PHKB: variants seen among roughly 807,000 people sequenced by gnomAD.
PHKB encodes the protein phosphorylase kinase regulatory subunit beta.
Under a neutral mutation model 152.1 loss-of-function variants are expected in PHKB, and 122 were observed. That is an observed-to-expected ratio of 0.80 (90% CI 0.69 to 0.93). The LOEUF (loss-of-function observed/expected upper bound fraction) is 0.93, where lower values mean the gene tolerates loss of function less well. PHKB is among the 40% of genes least tolerant of loss of function. PHKB has a pLI of 0.00. For missense variants in PHKB, 1,304 were observed against 1,328.4 expected (o/e 0.98, Z 0.29); for synonymous variants, 436 against 464.9 (o/e 0.94, Z 0.80).
At chr16:47,495,223 A>C (rs980122447) in intron 1 of PHKB, among the ~76,000 whole-genome samples, 11 of 150,848 alleles carry the variant, frequency 7.3e-5, no homozygotes, top group South Asian at 2.1e-4. Flanking sequence ...ATTAGATGAC[A>C]GAATCACTAT....
intron 13 of PHKB, among the ~76,000 whole-genome samples, chr16:47,600,708 A>G (rs541285020): frequency 5.1e-4 from 78 of 152,380 alleles, no homozygotes; most frequent in African/African-American, 1.9e-3. Context: ...GGACAATTGT[A>G]ACACAATGGT....
chr16:47,471,821 A>T (rs1252713938), intron 1 of PHKB, among the ~76,000 whole-genome samples: 2 of 152,178 alleles, frequency 1.3e-5, no homozygotes, highest in African/African-American at 4.8e-5. Context: ...TACAAATATA[A>T]AATGTATATG....
In PHKB at chr16:47,649,213, G is replaced by A. The variant is rs746001808; in HGVS notation, c.1797+9G>A. 27 of 1,374,530 alleles carry A rather than the reference G, an allele frequency of 2.0e-5. No homozygotes were observed. Among genetic ancestry groups the A allele is most frequent in the Non-Finnish European group, 2.5e-5 (24 of 961,712 alleles). The allele number at this position is 1,374,530 out of a possible 1,614,324, so 85.1% of individuals were successfully genotyped here. On this transcript the variant is annotated intron_variant, in intron 18 of 30. Coordinates refer to ENST00000323584, the MANE Select transcript of PHKB (RefSeq NM_000293.3). ...TGATAGATGACATAAAGGTAGCTTC[G>A]GAACACCTTTCTTAAAAATGGAATG... is the stretch of plus-strand genomic sequence containing the variant.
At chr16:47,676,827 C>CATT (rs1290362947) in intron 26 of PHKB, among the ~76,000 whole-genome samples, 2 of 152,186 alleles carry the variant, frequency 1.3e-5, no homozygotes, top group African/African-American at 4.8e-5. Flanking sequence ...CTGACAGGCC[C>CATT]ATTACTGTAA....
At chr16:47,566,048 CCTGTGGTACCCA>C (rs1971559593) in intron 7 of PHKB, 1 of 672,618 alleles carries the variant, frequency 1.5e-6, no homozygotes, top group Non-Finnish European at 2.7e-6. Context: ...AGTCATCATC[CCTGTGGTACCCA>C]CTGCCAAATG....
At chr16:47,560,804 A>T (rs1442664338) in intron 7 of PHKB, among the ~76,000 whole-genome samples, 1 of 152,204 alleles carries the variant, frequency 6.6e-6, no homozygotes, top group African/African-American at 2.4e-5. Context: ...AGTTAAAAGT[A>T]TAGAATTCTT....
intron 6 of PHKB, among the ~76,000 whole-genome samples, chr16:47,543,397 A>T (rs990000885): frequency 6.6e-6 from 1 of 152,118 alleles, no homozygotes; most frequent in Admixed American, 6.5e-5. Flanking sequence ...GCTGGATTCA[A>T]TTTGGCAGTA....
intron 26 of PHKB, among the ~76,000 whole-genome samples, chr16:47,674,083 A>G (rs1973683603): frequency 6.6e-6 from 1 of 151,984 alleles, no homozygotes; most frequent in African/African-American, 2.4e-5. Flanking sequence ...ATGATCTCTC[A>G]TACATGATTT....
chr16:47,695,094 C>T (rs1243865437), intron 28 of PHKB, among the ~76,000 whole-genome samples: 1 of 152,158 alleles, frequency 6.6e-6, no homozygotes. Flanking sequence ...CTCAAGGTCA[C>T]ACATCTAGTA....
chr16:47,659,761 GA>G (rs1305252212), intron 20 of PHKB, among the ~76,000 whole-genome samples: 1 of 152,202 alleles, frequency 6.6e-6, no homozygotes, highest in Non-Finnish European at 1.5e-5. Flanking sequence ...GGATGGCCCA[GA>G]AATACATTAC....
At chr16:47,606,783 G>C (rs2151707238) in intron 13 of PHKB, among the ~76,000 whole-genome samples, 1 of 152,274 alleles carries the variant, frequency 6.6e-6, no homozygotes, top group East Asian at 1.9e-4. Flanking sequence ...GCTGTAGTGA[G>C]TGAGCCTCTG....
At chr16:47,548,411 A>G (rs976691721) in intron 7 of PHKB, among the ~76,000 whole-genome samples, 1 of 152,170 alleles carries the variant, frequency 6.6e-6, no homozygotes, top group Non-Finnish European at 1.5e-5. Context: ...GTTTAAGACC[A>G]GCGTGGCCAA....
chr16:47,694,118 C>T (rs1039036736), intron 28 of PHKB, among the ~76,000 whole-genome samples: 1 of 152,180 alleles, frequency 6.6e-6, no homozygotes, highest in South Asian at 2.1e-4. Flanking sequence ...CTTTTTAGGT[C>T]ATTGGACAGA....
At chr16:47,493,858 C>CAACT (rs1970189900) in intron 1 of PHKB, among the ~76,000 whole-genome samples, 1 of 152,150 alleles carries the variant, frequency 6.6e-6, no homozygotes, top group Admixed American at 6.5e-5. Context: ...TGAAAAACTC[C>CAACT]AACTAGTAGT....
chr16:47,628,141 T>C (rs1972744288), intron 14 of PHKB, among the ~76,000 whole-genome samples: 1 of 152,314 alleles, frequency 6.6e-6, no homozygotes, highest in Middle Eastern at 3.4e-3. Context: ...GGCTCCTTTT[T>C]CTTTCCTTCT....
chr16:47,679,165 T>C (rs1973797711), intron 26 of PHKB, among the ~76,000 whole-genome samples: 1 of 152,232 alleles, frequency 6.6e-6, no homozygotes, highest in African/African-American at 2.4e-5. Flanking sequence ...GCTGTTTTGG[T>C]TACTGTGGCC....
chr16:47,649,316 G>T (rs1190040119), intron 18 of PHKB, 112 bp downstream of exon 18: 6 of 746,930 alleles, frequency 8.0e-6, no homozygotes, highest in Non-Finnish European at 1.5e-5. Flanking sequence ...TTAACACAGT[G>T]TAAAGCATGA....
At chr16:47,676,697 G>C (rs1236602318) in intron 26 of PHKB, among the ~76,000 whole-genome samples, 1 of 152,052 alleles carries the variant, frequency 6.6e-6, no homozygotes, top group Non-Finnish European at 1.5e-5. Context: ...CTGCTATCAG[G>C]CACTCCAGTG....
intron 26 of PHKB, among the ~76,000 whole-genome samples, chr16:47,681,601 T>C (rs8054017): frequency 0.1 from 15,845 of 151,994 alleles, 1,675 homozygotes; most frequent in African/African-American, 0.28. Flanking sequence ...ACCCCTGCCT[T>C]TTTTTGTTTT....
Sources: gnomAD v4.1 joint callset for allele counts (sites outside exome capture counted in the v4.1 genomes callset) on GRCh38, gnomAD v4.1.1 for gene constraint, MANE v1.5 for transcripts, NCBI Gene and HGNC (gene_info 2026-07-23, HGNC 2026-07-21) for gene names.